PHACTR1: variants seen among roughly 807,000 people sequenced by gnomAD.
PHACTR1 encodes the protein phosphatase and actin regulator 1, also known as RPEL repeat containing 1.
PHACTR1 carries 16 observed loss-of-function variants against 69.2 expected under a neutral mutation model. The ratio of observed to expected loss-of-function variants is 0.23; its 90% CI spans 0.16 to 0.35. The LOEUF (loss-of-function observed/expected upper bound fraction) is 0.35. Ranked by LOEUF, PHACTR1 falls within the 10% of genes least tolerant of loss-of-function variation. The pLI, the probability that PHACTR1 is intolerant of heterozygous loss-of-function variation, is 1.00. For missense variants in PHACTR1, 510 were observed against 734.7 expected (o/e 0.69, Z 3.54); for synonymous variants, 312 against 284.5 (o/e 1.10, Z -0.97).
chr6:13,276,712 C>T (rs554593064), intron 11 of PHACTR1, among the ~76,000 whole-genome samples: 193 of 152,114 alleles, frequency 1.3e-3, no homozygotes, highest in African/African-American at 4.4e-3. Flanking sequence ...GTGGAGTTTG[C>T]AGTGAGCCGA....
chr6:12,736,539 T>C (rs1764277058), intron 3 of PHACTR1, among the ~76,000 whole-genome samples: 1 of 152,162 alleles, frequency 6.6e-6, no homozygotes, highest in South Asian at 2.1e-4. Context: ...GTGGGCAATA[T>C]CTATGGGCAA....
At chr6:12,722,007 A>G (rs1305482027) in intron 3 of PHACTR1, among the ~76,000 whole-genome samples, 1 of 152,194 alleles carries the variant, frequency 6.6e-6, no homozygotes, top group Non-Finnish European at 1.5e-5. Context: ...GTCTCATGCT[A>G]TTGCTGAATC....
At chr6:12,825,116 CACACACACACACAG>C (rs1776644716) in intron 4 of PHACTR1, among the ~76,000 whole-genome samples, 1 of 151,180 alleles carries the variant, frequency 6.6e-6, no homozygotes, top group African/African-American at 2.4e-5. Context: ...CCCATCTCCA[CACACACACACACAG>C]ACACACACAC....
chr6:12,962,211 C>T (rs1792838991), intron 4 of PHACTR1, among the ~76,000 whole-genome samples: 1 of 152,246 alleles, frequency 6.6e-6, no homozygotes, highest in Non-Finnish European at 1.5e-5. Flanking sequence ...CTGGGTTGAG[C>T]CACTGTGCCT....
intron 4 of PHACTR1, among the ~76,000 whole-genome samples, chr6:12,755,548 G>A (rs181128061): frequency 6.6e-6 from 1 of 152,116 alleles, no homozygotes; most frequent in Non-Finnish European, 1.5e-5. Flanking sequence ...CAAAGTTATG[G>A]AAATTTTTGA....
chr6:13,100,940 T>C (rs1815060394), intron 5 of PHACTR1, among the ~76,000 whole-genome samples: 1 of 152,210 alleles, frequency 6.6e-6, no homozygotes, highest in Admixed American at 6.5e-5. Context: ...TACATTAGAA[T>C]TTCTTAAAGA....
intron 4 of PHACTR1, among the ~76,000 whole-genome samples, chr6:12,967,899 T>A (rs565909751): frequency 6.6e-6 from 1 of 152,346 alleles, no homozygotes; most frequent in Admixed American, 6.5e-5. Flanking sequence ...TATGAGCCAT[T>A]TGAAAACACT....
chr6:12,734,340 G>A (rs1763960082), intron 3 of PHACTR1, among the ~76,000 whole-genome samples: 1 of 152,092 alleles, frequency 6.6e-6, no homozygotes, highest in South Asian at 2.1e-4. Context: ...CTTGGAGCTC[G>A]CTAGTAATAA....
At chr6:12,784,900 G>A (rs1220494032) in intron 4 of PHACTR1, among the ~76,000 whole-genome samples, 1 of 151,376 alleles carries the variant, frequency 6.6e-6, no homozygotes, top group Admixed American at 6.6e-5. Context: ...GTAGAGATGG[G>A]GTTTCTCCAT....
intron 4 of PHACTR1, among the ~76,000 whole-genome samples, chr6:12,795,625 C>T (rs575555598): frequency 1.3e-4 from 19 of 151,958 alleles, no homozygotes; most frequent in African/African-American, 4.6e-4. Context: ...GAGGAGAGGG[C>T]GAGAAGGGTA....
intron 6 of PHACTR1, among the ~76,000 whole-genome samples, chr6:13,172,610 C>T (rs1287238697): frequency 6.6e-6 from 1 of 152,222 alleles, no homozygotes; most frequent in Non-Finnish European, 1.5e-5. Flanking sequence ...TACCCAGGGT[C>T]AATGTCTTTG....
At chr6:13,087,120 TATATATATATGTTATATATATAAC>T (rs1211997188) in intron 5 of PHACTR1, among the ~76,000 whole-genome samples, 4 of 148,188 alleles carry the variant, frequency 2.7e-5, no homozygotes, top group Non-Finnish European at 5.9e-5. Context: ...CAGACTGTTT[TATATATATATGTTATATATATAAC>T]ATATATATTT....
At position 13,217,619 on chromosome 6, in the gene PHACTR1, G is replaced by GA. The variant is rs142661129; in HGVS notation, c.987-10187dup. ...TTAATTTAAATCCATTACCACTGCT[G>GA]AAAAAAAAAACTCAAAATACATTTT... On this transcript the variant is annotated intron_variant, in intron 8 of 14. Coordinates refer to ENST00000332995, the MANE Select transcript of PHACTR1 (RefSeq NM_030948.6). 7.6e-3 allele frequency among the ~76,000 whole-genome samples: 1,127 copies of GA among 147,924 alleles called. 16 individuals are homozygous for GA. Among genetic ancestry groups the GA allele is most frequent in the East Asian group, 0.034 (172 of 5,120 alleles).
At chr6:13,014,361 G>A (rs961153427) in intron 4 of PHACTR1, among the ~76,000 whole-genome samples, 7 of 152,178 alleles carry the variant, frequency 4.6e-5, no homozygotes, top group African/African-American at 1.4e-4. Flanking sequence ...TGACGTATAT[G>A]GTCCCCAAAA....
chr6:12,895,666 A>G (rs1397594103), intron 4 of PHACTR1, among the ~76,000 whole-genome samples: 1 of 152,204 alleles, frequency 6.6e-6, no homozygotes, highest in African/African-American at 2.4e-5. Flanking sequence ...GGAGGATTGC[A>G]TACTCCACAC....
intron 5 of PHACTR1, among the ~76,000 whole-genome samples, chr6:13,091,302 A>T (rs1159020742): frequency 6.6e-6 from 1 of 152,116 alleles, no homozygotes; most frequent in Non-Finnish European, 1.5e-5. Flanking sequence ...CCTGGCCGGC[A>T]CTGCATTGTT....
chr6:13,180,669 A>G (rs1450033417), intron 6 of PHACTR1, among the ~76,000 whole-genome samples: 1 of 152,218 alleles, frequency 6.6e-6, no homozygotes, highest in East Asian at 1.9e-4. Flanking sequence ...GCGGTTTCCT[A>G]GAGATGTGTT....
chr6:12,723,078 A>G (rs1762324803), intron 3 of PHACTR1, among the ~76,000 whole-genome samples: 1 of 152,202 alleles, frequency 6.6e-6, no homozygotes, highest in South Asian at 2.1e-4. Flanking sequence ...AAATCACAAA[A>G]TTAACATCAT....
At chr6:13,243,541 A>C (rs1329359150) in intron 10 of PHACTR1, among the ~76,000 whole-genome samples, 1 of 151,962 alleles carries the variant, frequency 6.6e-6, no homozygotes, top group East Asian at 1.9e-4. Context: ...CACTGTGTGG[A>C]CCTTGGGCCT....
Sources: allele counts gnomAD v4.1 joint callset (sites outside exome capture counted in the v4.1 genomes callset), GRCh38; gene constraint gnomAD v4.1.1; transcripts MANE v1.5; gene names NCBI Gene and HGNC (gene_info 2026-07-23, HGNC 2026-07-21).